The following ANO3 variants were observed in gnomAD, a reference collection of about 807,000 sequenced individuals.
ANO3 encodes anoctamin-3.
In ANO3, 99 loss-of-function variants were observed where a neutral mutation model predicts 144.8. The observed-to-expected ratio is 0.68, with a 90% CI of 0.58 to 0.81. ANO3 has a LOEUF of 0.81. Ranked by LOEUF, ANO3 falls within the 30% of genes least tolerant of loss-of-function variation. ANO3 has a pLI of 0.00. For missense variants in ANO3, 905 were observed against 1,202.2 expected, an observed-to-expected ratio of 0.75 and a Z score of 3.66; for synonymous variants, 414 against 392.6, an observed-to-expected ratio of 1.05 and a Z score of -0.64.
chr11:26,320,440 G>A (rs1162332202), intron 1 of ANO3, among the ~76,000 whole-genome samples: 3 of 152,154 alleles, frequency 2.0e-5, no homozygotes, highest in Non-Finnish European at 2.9e-5. Context: ...TTTCATAAAT[G>A]TCCACAAACT....
intron 10 of ANO3, among the ~76,000 whole-genome samples, chr11:26,540,894 T>A (rs999624572): frequency 7.9e-5 from 12 of 152,066 alleles, no homozygotes; most frequent in Admixed American, 6.6e-4. Context: ...GTAGCGATCC[T>A]TCAAGGATCT....
chr11:26,615,367 C>T (rs1852222077), intron 17 of ANO3, among the ~76,000 whole-genome samples: 3 of 147,592 alleles, frequency 2.0e-5, no homozygotes, highest in Non-Finnish European at 4.5e-5. Flanking sequence ...CCCTGGCTTT[C>T]GCAATACTGT....
chr11:26,333,413 C>G (rs765825486), intron 1 of ANO3, among the ~76,000 whole-genome samples: 20 of 151,948 alleles, frequency 1.3e-4, no homozygotes, highest in Non-Finnish European at 2.2e-4. Context: ...TCCTGAGTAG[C>G]TGGGACTACA....
intron 1 of ANO3, among the ~76,000 whole-genome samples, chr11:26,224,516 C>T (rs747837572): frequency 3.3e-5 from 5 of 152,246 alleles, no homozygotes; most frequent in South Asian, 2.1e-4. Context: ...CCTATACATG[C>T]CCCCTCAGGG....
chr11:26,435,719 T>C (rs1168252587), intron 1 of ANO3, among the ~76,000 whole-genome samples: 5 of 152,250 alleles, frequency 3.3e-5, no homozygotes, highest in African/African-American at 1.2e-4. Context: ...ATTATTGCAG[T>C]GTTTTTTTCA....
intron 3 of ANO3, among the ~76,000 whole-genome samples, chr11:26,449,196 C>T (rs1193266866): frequency 6.6e-6 from 1 of 151,544 alleles, no homozygotes; most frequent in East Asian, 1.9e-4. Context: ...TATCCTAGGG[C>T]TCTACACTGA....
At chr11:26,556,233 G>A (rs576993053) in intron 13 of ANO3, among the ~76,000 whole-genome samples, 15 of 152,028 alleles carry the variant, frequency 9.9e-5, no homozygotes, top group African/African-American at 3.6e-4. Flanking sequence ...GTGATGCTAG[G>A]AATTCTCATT....
chr11:26,420,257 GA>G (rs1156348766), intron 1 of ANO3, among the ~76,000 whole-genome samples: 6 of 151,772 alleles, frequency 4.0e-5, no homozygotes, highest in Non-Finnish European at 7.4e-5. Flanking sequence ...ACAGTATATG[GA>G]AAAAAAATTA....
chr11:26,523,259 G>C (rs1316527988), intron 6 of ANO3, among the ~76,000 whole-genome samples: 1 of 152,186 alleles, frequency 6.6e-6, no homozygotes, highest in Non-Finnish European at 1.5e-5. Flanking sequence ...TTCGAGATGA[G>C]ATTTGGGTGG....
chr11:26,319,721 C>G (rs1854713561), intron 1 of ANO3, among the ~76,000 whole-genome samples: 1 of 152,218 alleles, frequency 6.6e-6, no homozygotes, highest in East Asian at 1.9e-4. Flanking sequence ...TTAAAGATAC[C>G]TTGTTATTTT....
chr11:26,591,819 C>A (rs1851460642), intron 14 of ANO3, among the ~76,000 whole-genome samples: 1 of 152,180 alleles, frequency 6.6e-6, no homozygotes, highest in Non-Finnish European at 1.5e-5. Flanking sequence ...GAATACCCAG[C>A]ATTGTCTCCT....
At chr11:26,386,289 T>G (rs865913479) in intron 1 of ANO3, among the ~76,000 whole-genome samples, 1 of 152,146 alleles carries the variant, frequency 6.6e-6, no homozygotes, top group South Asian at 2.1e-4. Context: ...GAAATAAGTA[T>G]ATAAATGGAG....
chr11:26,376,475 C>T (rs531878825), intron 1 of ANO3, among the ~76,000 whole-genome samples: 3 of 152,220 alleles, frequency 2.0e-5, no homozygotes, highest in Non-Finnish European at 4.4e-5. Context: ...TCATTTACCT[C>T]AGTTCATAAA....
chr11:26,244,126 AAAAAAGAAAAGAAAAAG>A (rs1369494322), intron 1 of ANO3, among the ~76,000 whole-genome samples: 37 of 142,522 alleles, frequency 2.6e-4, no homozygotes, highest in African/African-American at 5.7e-4. Flanking sequence ...GAAAAAAAAA[AAAAAAGAAAAGAAAAAG>A]AAAAAGAAAA....
chr11:26,614,012 C>T (rs1852175238), intron 17 of ANO3, among the ~76,000 whole-genome samples: 1 of 152,240 alleles, frequency 6.6e-6, no homozygotes, highest in Non-Finnish European at 1.5e-5. Context: ...AGGGTCACCA[C>T]AGGACCAGCT....
chr11:26,227,089 T>A (rs548270690), intron 1 of ANO3, among the ~76,000 whole-genome samples: 356 of 152,298 alleles, frequency 2.3e-3, no homozygotes, highest in African/African-American at 8.2e-3. Flanking sequence ...CTTAGCACAA[T>A]GTCTTTAGGA....
chr11:26,537,451 C>T lies in ANO3; in HGVS notation c.1022C>T (p.Pro341Leu). The change falls in exon 10 of 27, where the codon CCA (proline) becomes CTA (leucine). Residue 341 changes from proline to leucine, a missense_variant. Physicochemically the swap from Pro to Leu is moderately conservative, Grantham distance 98. Coordinates refer to ENST00000256737, the MANE Select transcript of ANO3 (RefSeq NM_031418.4). ...AATGGCTCATACATAGCAGCGTTTCCACCACATGAGGTAATTTTGAAATAC... is the reference window on the plus strand; with the variant it reads ...AATGGCTCATACATAGCAGCGTTTCTACCACATGAGGTAATTTTGAAATAC... ...INNGSYIAAFPPHEGAYKSSQ... is the reference protein window; with the variant it reads ...INNGSYIAAFLPHEGAYKSSQ... The T allele has an allele frequency of 1.9e-6, 3 of 1,613,398 alleles. No homozygotes were observed. The highest frequency in any genetic ancestry group is 2.5e-6 in the Non-Finnish European group (3 of 1,179,346).
At chr11:26,430,842 G>C (rs1313623104) in intron 1 of ANO3, among the ~76,000 whole-genome samples, 1 of 152,164 alleles carries the variant, frequency 6.6e-6, no homozygotes, top group Non-Finnish European at 1.5e-5. Flanking sequence ...ATTGACTCCA[G>C]TGGCATTACA....
At chr11:26,353,407 T>C (rs1473459036) in intron 1 of ANO3, among the ~76,000 whole-genome samples, 1 of 152,198 alleles carries the variant, frequency 6.6e-6, no homozygotes, top group Non-Finnish European at 1.5e-5. Context: ...TCCTTTTTGT[T>C]AGTCATGTGG....
Sources: allele counts gnomAD v4.1 joint callset (sites outside exome capture counted in the v4.1 genomes callset), GRCh38; gene constraint gnomAD v4.1.1; transcripts MANE v1.5; gene names NCBI Gene and HGNC (gene_info 2026-07-23, HGNC 2026-07-21).